The following MCTP1 variants were observed in gnomAD, a reference collection of about 807,000 sequenced individuals.
The protein encoded by MCTP1 is multiple C2 and transmembrane domain containing 1, also known as multiple C2 and transmembrane domain-containing protein 1.
Under a neutral mutation model 120.6 loss-of-function variants are expected in MCTP1, and 69 were observed. The ratio of observed to expected loss-of-function variants is 0.57; its 90% CI spans 0.47 to 0.70. MCTP1 has a LOEUF of 0.70. MCTP1 is among the 30% of genes least tolerant of loss of function. The pLI is 0.00. For synonymous variants in MCTP1, 529 were observed against 493.1 expected (o/e 1.07, Z -0.96); for missense variants, 1,203 against 1,248.8 (o/e 0.96, Z 0.55).
chr5:95,216,104 C>A (rs2086276130), intron 1 of MCTP1, among the ~76,000 whole-genome samples: 1 of 152,118 alleles, frequency 6.6e-6, no homozygotes, highest in Non-Finnish European at 1.5e-5. Context: ...TAACTCTTAT[C>A]TTTGGCATTT....
chr5:94,850,566 C>T (rs936317580), intron 17 of MCTP1, among the ~76,000 whole-genome samples: 28 of 152,024 alleles, frequency 1.8e-4, no homozygotes, highest in African/African-American at 6.3e-4. Context: ...AGCAGCTAAG[C>T]CCGGGAACAT....
Position 95,075,854 on chromosome 5 carries a change from T to C in MCTP1, c.721-58370A>G, listed in dbSNP as rs571643561. Among the ~76,000 whole-genome samples the C allele has an allele frequency of 1.4e-4, 22 of 152,364 alleles. 1 individual carries two copies. The highest frequency in any genetic ancestry group is 5.1e-4 in the African/African-American group (21 of 41,580). On this transcript the variant is annotated intron_variant, in intron 1 of 22. Coordinates refer to ENST00000515393, the MANE Select transcript of MCTP1 (RefSeq NM_024717.7). ...TCTGGATACTTGTGGAATTGTTATA[T>C]AGCTTTCAAAAACTCTTGAATATTC...
At chr5:94,951,446 TAAGTAG>T (rs997442191) in intron 3 of MCTP1, among the ~76,000 whole-genome samples, 1 of 152,232 alleles carries the variant, frequency 6.6e-6, no homozygotes, top group African/African-American at 2.4e-5. Flanking sequence ...AATATCCCAC[TAAGTAG>T]AAGTAATTAA....
At chr5:94,981,202 G>T (rs1193765558) in intron 2 of MCTP1, among the ~76,000 whole-genome samples, 2 of 152,094 alleles carry the variant, frequency 1.3e-5, no homozygotes, top group African/African-American at 4.8e-5. Context: ...CAGGGTGTGG[G>T]AAAAGTCCGA....
intron 19 of MCTP1, among the ~76,000 whole-genome samples, chr5:94,728,749 C>T (rs1317887253): frequency 6.6e-6 from 1 of 152,116 alleles, no homozygotes; most frequent in African/African-American, 2.4e-5. Context: ...TTTTTTCTGC[C>T]TGATTTCTCT....
At chr5:95,084,298 G>A (rs1413909867) in intron 1 of MCTP1, among the ~76,000 whole-genome samples, 1 of 151,966 alleles carries the variant, frequency 6.6e-6, no homozygotes, top group Non-Finnish European at 1.5e-5. Context: ...CACTCTAAGT[G>A]GACTACTCTC....
intron 2 of MCTP1, among the ~76,000 whole-genome samples, chr5:94,991,467 T>C (rs1831531222): frequency 6.6e-6 from 1 of 152,230 alleles, no homozygotes; most frequent in South Asian, 2.1e-4. Flanking sequence ...TTTCTCTAGC[T>C]TTTTCTTGCC....
At chr5:95,112,338 T>C (rs11953279) in intron 1 of MCTP1, among the ~76,000 whole-genome samples, 66 of 152,362 alleles carry the variant, frequency 4.3e-4, no homozygotes, top group African/African-American at 1.4e-3. Context: ...CTTTATTAAA[T>C]ACTGTGCTTA....
intron 1 of MCTP1, among the ~76,000 whole-genome samples, chr5:95,185,429 A>T (rs950118052): frequency 3.9e-5 from 6 of 152,194 alleles, no homozygotes; most frequent in Non-Finnish European, 5.9e-5. Flanking sequence ...ATGAGAAATC[A>T]TATCAATTGG....
At chr5:94,792,534 C>T (rs1779200682) in intron 18 of MCTP1, 1 of 152,318 alleles carries the variant, frequency 6.6e-6, no homozygotes, top group South Asian at 2.1e-4. Flanking sequence ...TGGTTTCCTG[C>T]TCTCCCAAGT....
rs773490699 is a variant in MCTP1, at chr5:94,931,943, T to C, written c.1212+10A>G. On this transcript the variant is annotated intron_variant, in intron 6 of 22. Coordinates refer to ENST00000515393, the MANE Select transcript of MCTP1 (RefSeq NM_024717.7). The stretch of plus-strand genomic sequence containing the variant: ...CAAGAAAAGCTGAAAGATCACAAGC[T>C]AAGAATTACCTTACTTGATCTTTTC... 8.8e-6 allele frequency: 14 copies of C among 1,598,256 alleles called. No individual in the cohort carries two copies. Among genetic ancestry groups the C allele is most frequent in the Non-Finnish European group, 1.2e-5 (14 of 1,168,520 alleles).
At chr5:94,935,762 C>T (rs1179219282) in intron 5 of MCTP1, among the ~76,000 whole-genome samples, 1 of 151,928 alleles carries the variant, frequency 6.6e-6, no homozygotes, top group African/African-American at 2.4e-5. Context: ...GTAAAATTTG[C>T]CTTTATTCCT....
chr5:94,750,824 A>G (rs1270048124), intron 19 of MCTP1, among the ~76,000 whole-genome samples: 1 of 152,228 alleles, frequency 6.6e-6, no homozygotes, highest in Non-Finnish European at 1.5e-5. Context: ...CAAAGCAGCA[A>G]CACAGAGAAT....
chr5:95,016,859 T>C (rs1837214795), intron 2 of MCTP1, among the ~76,000 whole-genome samples: 1 of 152,104 alleles, frequency 6.6e-6, no homozygotes, highest in Non-Finnish European at 1.5e-5. Context: ...TCCTTCGTCA[T>C]GCCCTACAAA....
chr5:95,114,466 G>A (rs1222305105), intron 1 of MCTP1, among the ~76,000 whole-genome samples: 1 of 152,190 alleles, frequency 6.6e-6, no homozygotes, highest in Non-Finnish European at 1.5e-5. Context: ...TTAGCTACAA[G>A]CTGACTTAAG....
chr5:94,960,807 C>T (rs944288211), intron 2 of MCTP1, among the ~76,000 whole-genome samples: 2 of 152,142 alleles, frequency 1.3e-5, no homozygotes, highest in African/African-American at 2.4e-5. Context: ...AATAAGAATG[C>T]TTTTACACTG....
intron 18 of MCTP1, among the ~76,000 whole-genome samples, chr5:94,781,591 G>A (rs190825522): frequency 1.3e-5 from 2 of 152,124 alleles, no homozygotes; most frequent in African/African-American, 4.8e-5. Flanking sequence ...AACCATTAAG[G>A]TTGGAGAATC....
At chr5:95,131,553 T>G (rs1005541440) in intron 1 of MCTP1, among the ~76,000 whole-genome samples, 2 of 152,242 alleles carry the variant, frequency 1.3e-5, no homozygotes, top group Non-Finnish European at 2.9e-5. Flanking sequence ...ATTAGGTGCA[T>G]AAGTCTGGTA....
At chr5:95,218,493 G>A (rs887738584) in intron 1 of MCTP1, among the ~76,000 whole-genome samples, 7 of 152,170 alleles carry the variant, frequency 4.6e-5, no homozygotes, top group African/African-American at 1.7e-4. Flanking sequence ...AAATCAGGTA[G>A]AGACAAAGTG....
Sources: gnomAD v4.1 joint callset for allele counts (sites outside exome capture counted in the v4.1 genomes callset) on GRCh38, gnomAD v4.1.1 for gene constraint, MANE v1.5 for transcripts, NCBI Gene and HGNC (gene_info 2026-07-23, HGNC 2026-07-21) for gene names.